PKIB: variants seen among roughly 807,000 people sequenced by gnomAD.
PKIB encodes the protein cAMP-dependent protein kinase inhibitor beta, also known as PKI-beta.
A neutral mutation model predicts 4.5 loss-of-function variants in PKIB; 2 were observed. The observed-to-expected ratio is 0.44, with a 90% CI of 0.18 to 1.39. PKIB has a LOEUF of 1.39. Among genes scored for constraint, PKIB ranks in the 40% most tolerant of loss-of-function variants. PKIB has a pLI of 0.27. For missense variants in PKIB, 94 were observed against 92.6 expected (o/e 1.02, Z -0.06); for synonymous variants, 38 against 36.0 (o/e 1.06, Z -0.20).
chr6:122,555,390 C>G (rs1428435151), intron 2 of PKIB, among the ~76,000 whole-genome samples: 1 of 152,182 alleles, frequency 6.6e-6, no homozygotes, highest in Admixed American at 6.5e-5. Flanking sequence ...GCCATAAAAA[C>G]AGTTGGAAGT....
At chr6:122,482,544 ATTTT>A (rs571676167) in intron 2 of PKIB, 52 of 103,730 alleles carry the variant, frequency 5.0e-4, no homozygotes, top group East Asian at 2.6e-3. Context: ...TTTAGGTTGG[ATTTT>A]TTTTTTTTTT....
intron 2 of PKIB, among the ~76,000 whole-genome samples, chr6:122,670,992 A>G (rs1452194086): frequency 2.0e-5 from 3 of 152,224 alleles, no homozygotes; most frequent in African/African-American, 7.2e-5. Context: ...ACAAAAATTT[A>G]AAAGAATACT....
At chr6:122,703,791 CATATATGT>C (rs926110029) in intron 3 of PKIB, among the ~76,000 whole-genome samples, 12 of 149,688 alleles carry the variant, frequency 8.0e-5, no homozygotes, top group African/African-American at 1.5e-4. Context: ...CATATATATA[CATATATGT>C]ATATATGTAT....
intron 2 of PKIB, among the ~76,000 whole-genome samples, chr6:122,511,369 T>C (rs1424831834): frequency 5.3e-5 from 8 of 152,208 alleles, no homozygotes; most frequent in African/African-American, 1.9e-4. Flanking sequence ...CTCAAATATG[T>C]GGTGTACTTA....
chr6:122,558,543 G>A (rs911810537), intron 2 of PKIB, among the ~76,000 whole-genome samples: 1 of 152,114 alleles, frequency 6.6e-6, no homozygotes, highest in African/African-American at 2.4e-5. Context: ...TTGTCAAGAT[G>A]TTTGATAAGT....
intron 1 of PKIB, among the ~76,000 whole-genome samples, chr6:122,621,667 G>A (rs933187027): frequency 6.6e-6 from 1 of 152,214 alleles, no homozygotes; most frequent in Non-Finnish European, 1.5e-5. Context: ...CAACATAATA[G>A]AATGTGGACA....
At chr6:122,528,085 A>T (rs775013216) in intron 2 of PKIB, among the ~76,000 whole-genome samples, 6 of 152,084 alleles carry the variant, frequency 3.9e-5, no homozygotes, top group Non-Finnish European at 7.4e-5. Context: ...TATGATTATT[A>T]TGTCTTTCTG....
At chr6:122,697,816 G>T (rs2115017697) in intron 3 of PKIB, among the ~76,000 whole-genome samples, 1 of 152,264 alleles carries the variant, frequency 6.6e-6, no homozygotes, top group East Asian at 1.9e-4. Flanking sequence ...GAGTGCCTTG[G>T]TAACAATCTA....
At chr6:122,720,308 A>G (rs1374271424) in intron 4 of PKIB, among the ~76,000 whole-genome samples, 1 of 152,200 alleles carries the variant, frequency 6.6e-6, no homozygotes, top group Non-Finnish European at 1.5e-5. Context: ...TCTATCCCTT[A>G]TAAATTGATA....
intron 2 of PKIB, among the ~76,000 whole-genome samples, chr6:122,558,181 C>A (rs1474912983): frequency 6.6e-6 from 1 of 152,162 alleles, no homozygotes; most frequent in Non-Finnish European, 1.5e-5. Flanking sequence ...TTTAGATACA[C>A]ACACAATGTT....
upstream of PKIB, among the ~76,000 whole-genome samples, chr6:122,609,255 C>T (rs1195258487): frequency 6.6e-6 from 1 of 152,160 alleles, no homozygotes; most frequent in Non-Finnish European, 1.5e-5. Flanking sequence ...GTCAATCAAT[C>T]CTGAAGGCAG....
intron 3 of PKIB, among the ~76,000 whole-genome samples, chr6:122,677,842 T>TTC (rs1777736546): frequency 7.1e-6 from 1 of 141,116 alleles, no homozygotes; most frequent in Non-Finnish European, 1.5e-5. Context: ...AGCTTTCTTT[T>TTC]CTTCCTTCCT....
chr6:122,667,842 CT>C (rs1298919577), intron 2 of PKIB, among the ~76,000 whole-genome samples: 1 of 152,118 alleles, frequency 6.6e-6, no homozygotes, highest in African/African-American at 2.4e-5. Flanking sequence ...ATCTGAGTGG[CT>C]TTCAGGTTAT....
chr6:122,532,621 T>C (rs1309989802), intron 2 of PKIB, among the ~76,000 whole-genome samples: 1 of 152,194 alleles, frequency 6.6e-6, no homozygotes, highest in Non-Finnish European at 1.5e-5. Flanking sequence ...ATTCAAATAG[T>C]ATTTGTTTGT....
rs574514305 is a variant in PKIB, at chr6:122,533,954, C to T, written c.-247-51967C>T. On this transcript the variant is annotated intron_variant, in intron 2 of 6. Coordinates refer to the PKIB transcript ENST00000392491. Reference sequence around the variant, plus strand: ...TCTATCAACCATCCTCTCTGTCTTTCTTTTATGCTTATCACATCTTGTATT... The same window carrying T: ...TCTATCAACCATCCTCTCTGTCTTTTTTTTATGCTTATCACATCTTGTATT... Among the ~76,000 whole-genome samples, 414 of 151,956 alleles carry T rather than the reference C, an allele frequency of 2.7e-3. 1 individual carries two copies. The highest frequency in any genetic ancestry group is 9.6e-3 in the African/African-American group (399 of 41,454).
At chr6:122,674,210 A>G (rs1437506779) in intron 2 of PKIB, among the ~76,000 whole-genome samples, 2 of 152,178 alleles carry the variant, frequency 1.3e-5, no homozygotes, top group Admixed American at 1.3e-4. Context: ...AGGCAAACTA[A>G]TAAGGGTTAA....
intron 3 of PKIB, among the ~76,000 whole-genome samples, chr6:122,590,075 C>T (rs1773971143): frequency 6.6e-6 from 1 of 152,120 alleles, no homozygotes; most frequent in African/African-American, 2.4e-5. Flanking sequence ...TTTAAATACA[C>T]ACTTTTGGGA....
intron 2 of PKIB, among the ~76,000 whole-genome samples, chr6:122,513,270 G>A (rs1018502267): frequency 6.6e-6 from 1 of 152,108 alleles, no homozygotes; most frequent in Non-Finnish European, 1.5e-5. Context: ...TTTGACCAGT[G>A]AAATGTGAGC....
At chr6:122,614,497 C>A (rs1379406289) in intron 1 of PKIB, among the ~76,000 whole-genome samples, 1 of 152,154 alleles carries the variant, frequency 6.6e-6, no homozygotes, top group African/African-American at 2.4e-5. Context: ...GTATTCTTAT[C>A]CCCGTGGGGG....
Sources: allele counts gnomAD v4.1 joint callset (sites outside exome capture counted in the v4.1 genomes callset), GRCh38; gene constraint gnomAD v4.1.1; transcripts MANE v1.5; gene names NCBI Gene and HGNC (gene_info 2026-07-23, HGNC 2026-07-21).